The following NTAQ1 variants were observed in gnomAD, a reference collection of about 807,000 sequenced individuals.
The protein encoded by NTAQ1 is N-terminal glutamine amidase 1.
In NTAQ1, 21 loss-of-function variants were observed where a neutral mutation model predicts 28.2. The observed-to-expected ratio is 0.74, with a 90% CI of 0.53 to 1.07. The LOEUF (loss-of-function observed/expected upper bound fraction) is 1.07. Among genes scored for constraint, NTAQ1 ranks in the 50% least tolerant of loss-of-function variants. NTAQ1 has a pLI of 0.00. For missense variants in NTAQ1, 264 were observed against 256.6 expected, an observed-to-expected ratio of 1.03 and a Z score of -0.20; for synonymous variants, 105 against 90.0, an observed-to-expected ratio of 1.17 and a Z score of -0.94.
At chr8:123,465,902 C>T (rs1407259043) in intron 6 of NTAQ1, among the ~76,000 whole-genome samples, 1 of 152,104 alleles carries the variant, frequency 6.6e-6, no homozygotes, top group Non-Finnish European at 1.5e-5. Flanking sequence ...TCTTTGAGTT[C>T]CATCCATATT....
downstream of NTAQ1, among the ~76,000 whole-genome samples, chr8:123,452,216 A>G (rs1482781290): frequency 1.3e-5 from 2 of 152,206 alleles, no homozygotes; most frequent in Non-Finnish European, 2.9e-5. Flanking sequence ...AGAATGAACT[A>G]TGTCTTTTAC....
At chr8:123,454,077 A>C (rs886439814) in intron 6 of NTAQ1, among the ~76,000 whole-genome samples, 2 of 152,214 alleles carry the variant, frequency 1.3e-5, no homozygotes, top group African/African-American at 4.8e-5. Context: ...ACAGCTGTCC[A>C]CCTGAAGTAA....
chr8:123,433,566 G>A (rs1814521219), intron 3 of NTAQ1, among the ~76,000 whole-genome samples: 2 of 152,162 alleles, frequency 1.3e-5, no homozygotes, highest in Non-Finnish European at 2.9e-5. Flanking sequence ...TCGTGCCTCA[G>A]CCTCCTGAGT....
chr8:123,475,513 T>C, the NTAQ1 span, among the ~76,000 whole-genome samples: 2,015 of 152,296 alleles, frequency 0.013, 40 homozygotes, highest in African/African-American at 0.046. Flanking sequence ...ATTATAAAAT[T>C]GTATAATTTT....
chr8:123,441,401 A>G lies in NTAQ1; in HGVS notation c.604A>G (p.Ser202Gly). The G allele has an allele frequency of 6.2e-7, 1 of 1,607,700 alleles. No homozygotes were observed. The highest frequency in any genetic ancestry group is 8.5e-7 in the Non-Finnish European group (1 of 1,176,756). Residue 202 changes from serine (S) to glycine (G), a missense_variant, in exon 6 of 6, where the codon AGT becomes GGT. Transcript: ENST00000287387. ...TLSEFTHRFG[S>G]KNC is the part of the protein sequence containing the mutation. ...ATCCGAATTTACACATCGGTTTGGCAGTAAAAACTGCTGAACTTGGTCTCA... is the reference window on the plus strand; with the variant it reads ...ATCCGAATTTACACATCGGTTTGGCGGTAAAAACTGCTGAACTTGGTCTCA...
At chr8:123,447,729 T>C (rs1815342077) in intron 6 of NTAQ1, among the ~76,000 whole-genome samples, 1 of 152,198 alleles carries the variant, frequency 6.6e-6, no homozygotes, top group Admixed American at 6.5e-5. Flanking sequence ...TGTGCCTCTT[T>C]CTGTATTTTA....
In NTAQ1 at chr8:123,423,651, C is replaced by A. The variant is rs143518602; in HGVS notation, c.84-4273C>A. On this transcript the variant is annotated intron_variant, in intron 1 of 5. Coordinates refer to ENST00000287387, the MANE Select transcript of NTAQ1 (RefSeq NM_018024.3). Reference sequence around the variant, plus strand: ...CTCCCCCTTTTTTTTAACATTGAAACTTTCATGGGATTCTCCTACATGATA... The same window carrying A: ...CTCCCCCTTTTTTTTAACATTGAAAATTTCATGGGATTCTCCTACATGATA... Among the ~76,000 whole-genome samples the A allele has an allele frequency of 3.7e-3, 570 of 152,166 alleles. 5 individuals carry two copies. The highest frequency in any genetic ancestry group is 0.013 in the African/African-American group (537 of 41,534).
chr8:123,443,843 G>C (rs931446526), downstream of NTAQ1, among the ~76,000 whole-genome samples: 1 of 152,162 alleles, frequency 6.6e-6, no homozygotes, highest in Non-Finnish European at 1.5e-5. Context: ...AAAGTGCTGA[G>C]ATTACAGGTG....
At chr8:123,438,278 T>C (rs1814845449) in intron 5 of NTAQ1, 6 of 679,866 alleles carry the variant, frequency 8.8e-6, no homozygotes, top group Non-Finnish European at 1.6e-5. Flanking sequence ...GGTGAGATCA[T>C]CCCAACACCT....
downstream of NTAQ1, among the ~76,000 whole-genome samples, chr8:123,472,053 A>T (rs1165526868): frequency 1.3e-5 from 2 of 152,188 alleles, no homozygotes; most frequent in Non-Finnish European, 2.9e-5. Flanking sequence ...CTGTTATTTG[A>T]TAGGGGTCTT....
At chr8:123,436,684 T>C in intron 4 of NTAQ1, 83 bp downstream of exon 4, 1 of 1,475,420 alleles carries the variant, frequency 6.8e-7, no homozygotes, top group Non-Finnish European at 9.2e-7. Flanking sequence ...TTTTTGACAA[T>C]TGTTTTGTAA....
At chr8:123,449,181 T>TA (rs1381070722), downstream of NTAQ1, among the ~76,000 whole-genome samples, 1 of 152,152 alleles carries the variant, frequency 6.6e-6, no homozygotes, top group Non-Finnish European at 1.5e-5. Flanking sequence ...CTGAGTCTGG[T>TA]ATTTTGGTGG....
Position 123,427,188 on chromosome 8 carries a change from A to T in NTAQ1, c.84-736A>T, listed in dbSNP as rs1225208230. 2.0e-5 allele frequency among the ~76,000 whole-genome samples: 3 copies of T among 146,818 alleles called. No homozygotes were observed. In the South Asian group the frequency reaches 6.5e-4, roughly 32 times the overall value. ...GATTTTTGTGTGTTTACAGTATATG[A>T]TTATGCCCATTTTACACATGAGAAA... On this transcript the variant is annotated intron_variant, in intron 1 of 5. Coordinates refer to ENST00000287387, the MANE Select transcript of NTAQ1 (RefSeq NM_018024.3).
At chr8:123,436,875 A>G (rs891262438) in intron 4 of NTAQ1, among the ~76,000 whole-genome samples, 1 of 151,948 alleles carries the variant, frequency 6.6e-6, no homozygotes, top group Non-Finnish European at 1.5e-5. Flanking sequence ...GATTTTTCTT[A>G]TATTCTTTTT....
At chr8:123,440,378 A>T (rs1464972188) in intron 5 of NTAQ1, among the ~76,000 whole-genome samples, 2 of 148,596 alleles carry the variant, frequency 1.3e-5, no homozygotes, top group Non-Finnish European at 1.5e-5. Flanking sequence ...CTGGTCTCGA[A>T]CTCCTGACCT....
At chr8:123,457,697 T>C (rs1363360394) in intron 6 of NTAQ1, among the ~76,000 whole-genome samples, 1 of 152,156 alleles carries the variant, frequency 6.6e-6, no homozygotes, top group Non-Finnish European at 1.5e-5. Flanking sequence ...TGTACCCTTT[T>C]GTGTTTTTAA....
intron 6 of NTAQ1, among the ~76,000 whole-genome samples, chr8:123,457,135 C>T (rs1244071892): frequency 2.6e-5 from 4 of 152,170 alleles, no homozygotes; most frequent in Admixed American, 1.3e-4. Context: ...GGCACAATCT[C>T]GGCTCACCGC....
chr8:123,464,515 A>G (rs1277182258), intron 6 of NTAQ1, among the ~76,000 whole-genome samples: 2 of 152,228 alleles, frequency 1.3e-5, no homozygotes, highest in Admixed American at 1.3e-4. Context: ...GAGCATTGCC[A>G]GGCTGTGCCT....
At chr8:123,440,265 C>T (rs952035934) in intron 5 of NTAQ1, among the ~76,000 whole-genome samples, 8 of 144,290 alleles carry the variant, frequency 5.5e-5, no homozygotes, top group Non-Finnish European at 9.0e-5. Flanking sequence ...AAGCGATTCT[C>T]CTGCCTCAGC....
Sources: gnomAD v4.1 joint callset for allele counts (sites outside exome capture counted in the v4.1 genomes callset) on GRCh38, gnomAD v4.1.1 for gene constraint, MANE v1.5 for transcripts, NCBI Gene and HGNC (gene_info 2026-07-23, HGNC 2026-07-21) for gene names.